FAM216A: variants seen among roughly 807,000 people sequenced by gnomAD.
FAM216A encodes the protein protein FAM216A.
FAM216A carries 26 observed loss-of-function variants against 37.6 expected under a neutral mutation model. The ratio of observed to expected loss-of-function variants is 0.69; its 90% CI spans 0.51 to 0.96. FAM216A has a LOEUF of 0.96. FAM216A is among the 40% of genes least tolerant of loss of function. The pLI is 0.00. For synonymous variants in FAM216A, 110 were observed against 121.7 expected, an observed-to-expected ratio of 0.90 and a Z score of 0.64; for missense variants, 326 against 339.3, an observed-to-expected ratio of 0.96 and a Z score of 0.31.
chr12:110,486,806 G>A (rs982442186), intron 5 of FAM216A, 89 bp downstream of exon 5: 2 of 1,169,964 alleles, frequency 1.7e-6, no homozygotes, highest in Non-Finnish European at 2.4e-6. Flanking sequence ...ACCCAGGCTG[G>A]AGTGTAGTGG....
chr12:110,473,247 T>A, intron 2 of FAM216A, 129 bp downstream of exon 2: 1 of 405,058 alleles, frequency 2.5e-6, no homozygotes, highest in Non-Finnish European at 4.6e-6. Context: ...AGTCTCACTC[T>A]GTTGCCTGGG....
intron 1 of FAM216A, among the ~76,000 whole-genome samples, chr12:110,470,199 C>A (rs1237311541): frequency 1.3e-5 from 2 of 149,264 alleles, no homozygotes; most frequent in East Asian, 2.0e-4. Flanking sequence ...CCCGGGTTCA[C>A]GCCATTCTCC....
At chr12:110,486,219 A>C in intron 3 of FAM216A, 106 bp from the exon 4 acceptor site, 1 of 1,235,234 alleles carries the variant, frequency 8.1e-7, no homozygotes, top group Non-Finnish European at 1.1e-6. Context: ...GCTAAAGTAA[A>C]ATACAGTTGG....
At chr12:110,478,617 C>A (rs944882155) in intron 2 of FAM216A, among the ~76,000 whole-genome samples, 1 of 152,044 alleles carries the variant, frequency 6.6e-6, no homozygotes, top group Non-Finnish European at 1.5e-5. Flanking sequence ...AGCCACATGT[C>A]AAGGAAATAG....
chr12:110,469,889 G>A (rs2062672353), intron 1 of FAM216A, among the ~76,000 whole-genome samples: 1 of 152,034 alleles, frequency 6.6e-6, no homozygotes, highest in Non-Finnish European at 1.5e-5. Context: ...TCTTCACACT[G>A]AAGTTCCTTT....
intron 1 of FAM216A, among the ~76,000 whole-genome samples, chr12:110,469,896 C>CT (rs2062672684): frequency 6.6e-6 from 1 of 152,040 alleles, no homozygotes; most frequent in Admixed American, 6.6e-5. Flanking sequence ...ACTGAAGTTC[C>CT]TTTTTTCACA....
In FAM216A at chr12:110,473,133, T is replaced by C; in HGVS notation, c.184+15T>C. On this transcript the variant is annotated intron_variant, in intron 2 of 6. Transcript: ENST00000377673. ...CAAAGGTTCTGGTGAGTAGTGCATA[T>C]AAAGCAGATAATACTTATAAGTAAC... 6.8e-7 allele frequency: 1 copy of C among 1,463,304 alleles called. No homozygotes were observed. The highest frequency in any genetic ancestry group is 2.3e-5 in the East Asian group (1 of 43,824). The allele number at this position is 1,463,304 out of a possible 1,614,324, so 90.6% of individuals were successfully genotyped here. A position where few individuals can be genotyped will look rare whatever the true frequency, so the allele number is the denominator to read the frequency against.
chr12:110,480,027 C>CT (rs199676015), intron 2 of FAM216A, among the ~76,000 whole-genome samples: 172 of 145,260 alleles, frequency 1.2e-3, no homozygotes, highest in African/African-American at 3.3e-3. Flanking sequence ...CTATTTTAAT[C>CT]TTTTTTTTTT....
At chr12:110,473,029 T>C (rs2062695388) in intron 1 of FAM216A, 49 bp from the exon 2 acceptor site, 1 of 894,158 alleles carries the variant, frequency 1.1e-6, no homozygotes, top group Non-Finnish European at 1.7e-6. Flanking sequence ...TCAGTGCTTG[T>C]AACATTGTAA....
chr12:110,474,466 G>A (rs897942059), intron 2 of FAM216A, among the ~76,000 whole-genome samples: 35 of 152,000 alleles, frequency 2.3e-4, no homozygotes, highest in Middle Eastern at 3.4e-3. Context: ...GAGGTAGGTG[G>A]ATCACCTGAG....
At chr12:110,475,810 C>T (rs757551347) in intron 2 of FAM216A, among the ~76,000 whole-genome samples, 1 of 151,948 alleles carries the variant, frequency 6.6e-6, no homozygotes, top group Non-Finnish European at 1.5e-5. Flanking sequence ...ACAATCGGCT[C>T]ACTGCAGCCT....
Position 110,486,624 on chromosome 12 carries a change from G to C in FAM216A, c.527G>C (p.Arg176Thr). ...PCTTWRHQLE[R>T]EDSGSSDIAA... ...ACTACATGGCGACATCAACTGGAGA[G>C]AGAGGACTCGGGGTCTTCTGATATC... is the stretch of plus-strand genomic sequence containing the variant. The change falls in exon 5 of 7, where the codon AGA (arginine) becomes ACA (threonine). Residue 176 changes from arginine to threonine, a missense_variant. Coordinates refer to ENST00000377673, the MANE Select transcript of FAM216A (RefSeq NM_013300.3). 1 of 1,614,194 alleles carries C rather than the reference G, an allele frequency of 6.2e-7. No individual in the cohort carries two copies. The highest frequency in any genetic ancestry group is 8.5e-7 in the Non-Finnish European group (1 of 1,180,024).
upstream of FAM216A, chr12:110,468,708 G>A: frequency 6.6e-7 from 1 of 1,511,886 alleles, no homozygotes; most frequent in Non-Finnish European, 8.8e-7. Context: ...CGACCGCAGC[G>A]CTCCTGCCCC....
chr12:110,479,539 A>C (rs1168908919), intron 2 of FAM216A, among the ~76,000 whole-genome samples: 2 of 151,866 alleles, frequency 1.3e-5, no homozygotes, highest in Non-Finnish European at 2.9e-5. Flanking sequence ...CTGAAAAAAA[A>C]AAAAAAGAAG....
At position 110,473,092 on chromosome 12, in the gene FAM216A, C is replaced by A; in HGVS notation, c.158C>A (p.Ser53Tyr). Residue 53 changes from serine (S) to tyrosine (Y), a missense_variant, in exon 2 of 7, where the codon TCT becomes TAT. Transcript: ENST00000377673. ...TTTTTCAACAGATCAGCTGGATACT[C>A]TTGTTACCAGAATTCCAAAGGTTCT... ...EGGGGGSAGY[S>Y]CYQNSKGSDR... The A allele has an allele frequency of 6.4e-7, 1 of 1,553,778 alleles. No individual in the cohort carries two copies.
upstream of FAM216A, chr12:110,468,462 GC>G: frequency 6.5e-7 from 1 of 1,537,028 alleles, no homozygotes; most frequent in Non-Finnish European, 8.7e-7. Context: ...TGCTGTCTAA[GC>G]TTGGATACCT....
In FAM216A at chr12:110,485,214, A is replaced by G. The variant is rs188622256; in HGVS notation, c.306+15A>G. 8 of 1,596,688 alleles carry G rather than the reference A, an allele frequency of 5.0e-6. No individual in the cohort carries two copies. The South Asian group carries it at 9.1e-5, about 18-fold the overall frequency. On this transcript the variant is annotated intron_variant, in intron 3 of 6. Coordinates refer to ENST00000377673, the MANE Select transcript of FAM216A (RefSeq NM_013300.3). ...CCTTTTTCAAGGTATGCTAACAGGGACATATTTAAATACCAATACTCTTTG... is the reference window on the plus strand; with the variant it reads ...CCTTTTTCAAGGTATGCTAACAGGGGCATATTTAAATACCAATACTCTTTG...
chr12:110,488,663 A>T (rs1210722619), intron 6 of FAM216A, among the ~76,000 whole-genome samples: 1 of 152,140 alleles, frequency 6.6e-6, no homozygotes, highest in Admixed American at 6.6e-5. Context: ...TACATCTCTT[A>T]TAGTAGGCCC....
chr12:110,475,431 G>A (rs760861458), intron 2 of FAM216A, among the ~76,000 whole-genome samples: 1 of 151,908 alleles, frequency 6.6e-6, no homozygotes, highest in Non-Finnish European at 1.5e-5. Flanking sequence ...TAGTGGAGAC[G>A]GGGTTTCACC....
Sources: gnomAD v4.1 joint callset for allele counts (sites outside exome capture counted in the v4.1 genomes callset) on GRCh38, gnomAD v4.1.1 for gene constraint, MANE v1.5 for transcripts, NCBI Gene and HGNC (gene_info 2026-07-23, HGNC 2026-07-21) for gene names.